The following AFAP1 variants were observed in gnomAD, a reference collection of about 807,000 sequenced individuals.
The protein encoded by AFAP1 is actin filament associated protein 1.
In AFAP1, 75 loss-of-function variants were observed where a neutral mutation model predicts 93.9. That is an observed-to-expected ratio of 0.80 (90% CI 0.66 to 0.97). The LOEUF (loss-of-function observed/expected upper bound fraction) is 0.97, where lower values mean the gene tolerates loss of function less well. Ranked by LOEUF, AFAP1 falls within the 50% of genes least tolerant of loss-of-function variation. The pLI is 0.00. For synonymous variants in AFAP1, 517 were observed against 430.7 expected, an observed-to-expected ratio of 1.20 and a Z score of -2.48; for missense variants, 1,201 against 1,050.8, an observed-to-expected ratio of 1.14 and a Z score of -1.98.
At position 7,868,656 on chromosome 4, in the gene AFAP1, T is replaced by C; in HGVS notation, c.191A>G (p.Gln64Arg). ...ETANSLPAPP[Q>R]MPLPEIPQPW... ...CTGAGGGATCTCCGGCAGGGGCATC[T>C]GAGGAGGGGCTGGCAGGCTGTTAGC... Residue 64 changes from glutamine to arginine, a missense_variant, in exon 3 of 18, where the codon CAG becomes CGG. Physicochemically the swap from Gln to Arg is conservative, Grantham distance 43. Coordinates refer to ENST00000420658, the MANE Select transcript of AFAP1 (RefSeq NM_001134647.2). 6.2e-7 allele frequency: 1 copy of C among 1,613,170 alleles called. No individual in the cohort carries two copies. The highest frequency in any genetic ancestry group is 8.5e-7 in the Non-Finnish European group (1 of 1,179,894).
chr4:7,895,213 G>A (rs937018847), intron 1 of AFAP1, among the ~76,000 whole-genome samples: 5 of 152,212 alleles, frequency 3.3e-5, no homozygotes, highest in African/African-American at 1.2e-4. Context: ...CACTTGCCAG[G>A]CATGGCCTTG....
chr4:7,814,251 A>C (rs1218574287), intron 8 of AFAP1, among the ~76,000 whole-genome samples: 1 of 152,254 alleles, frequency 6.6e-6, no homozygotes, highest in Non-Finnish European at 1.5e-5. Flanking sequence ...GATGGCACAT[A>C]AACATATTTA....
At chr4:7,862,072 T>A (rs1405753456) in intron 3 of AFAP1, 1 of 152,118 alleles carries the variant, frequency 6.6e-6, no homozygotes, top group Admixed American at 6.6e-5. Flanking sequence ...GTGGCTCACA[T>A]CTGTAGTCCC....
intron 3 of AFAP1, among the ~76,000 whole-genome samples, chr4:7,863,316 G>C (rs1715961847): frequency 6.6e-6 from 1 of 152,178 alleles, no homozygotes; most frequent in African/African-American, 2.4e-5. Flanking sequence ...CTACTTGGGA[G>C]GGTGAGGTGG....
Position 7,819,143 on chromosome 4 carries a change from C to A in AFAP1, c.755G>T (p.Ser252Ile). The change falls in exon 7 of 18, where the codon AGT (serine) becomes ATT (isoleucine). Residue 252 changes from serine (S) to isoleucine (I), a missense_variant. Coordinates refer to ENST00000420658, the MANE Select transcript of AFAP1 (RefSeq NM_001134647.2). ...KVIKEAYSGC[S>I]GPVDSECPPP... ...AGGACACTCTGAATCCACGGGGCCA[C>A]TACAACCACTGTAGGCTTCTTTGAT... 1 of 1,613,662 alleles carries A rather than the reference C, an allele frequency of 6.2e-7. No homozygotes were observed. Among genetic ancestry groups the A allele is most frequent in the Non-Finnish European group, 8.5e-7 (1 of 1,179,844 alleles).
At chr4:7,916,009 G>T (rs1479595419) in intron 1 of AFAP1, among the ~76,000 whole-genome samples, 1 of 101,570 alleles carries the variant, frequency 9.8e-6, no homozygotes, top group East Asian at 6.4e-4. Flanking sequence ...CTCATCCCCG[G>T]CCTCCTCACT....
intron 1 of AFAP1, among the ~76,000 whole-genome samples, chr4:7,889,165 C>A (rs1718297359): frequency 6.6e-6 from 1 of 152,058 alleles, no homozygotes; most frequent in African/African-American, 2.4e-5. Context: ...ATGGAGTTTA[C>A]CCTTGGAATT....
intron 1 of AFAP1, among the ~76,000 whole-genome samples, chr4:7,925,326 A>G (rs1364098094): frequency 3.3e-5 from 5 of 152,176 alleles, no homozygotes; most frequent in African/African-American, 9.6e-5. Flanking sequence ...ACTCCCCACC[A>G]ACCAGGGAAG....
chr4:7,772,738 A>C (rs1577183817), intron 16 of AFAP1, 82 bp downstream of exon 16: 2 of 1,377,806 alleles, frequency 1.5e-6, no homozygotes. Context: ...CCCCAGAGCC[A>C]CTCCACATTC....
intron 3 of AFAP1, among the ~76,000 whole-genome samples, chr4:7,858,002 A>C (rs890800681): frequency 2.0e-5 from 3 of 152,242 alleles, no homozygotes; most frequent in Non-Finnish European, 4.4e-5. Flanking sequence ...AAACCACATA[A>C]GGATGTTCAA....
At chr4:7,875,497 T>C (rs182368013) in intron 1 of AFAP1, among the ~76,000 whole-genome samples, 141 of 152,258 alleles carry the variant, frequency 9.3e-4, no homozygotes, top group Non-Finnish European at 1.8e-3. Context: ...CTCACGTCTG[T>C]AATCCCAGCA....
At chr4:7,935,509 G>A (rs1721321312) in intron 1 of AFAP1, among the ~76,000 whole-genome samples, 2 of 152,256 alleles carry the variant, frequency 1.3e-5, no homozygotes, top group South Asian at 2.1e-4. Context: ...AAAACAGCAG[G>A]TGACATGGGA....
chr4:7,768,994 C>A lies in AFAP1; in HGVS notation c.2268G>T (p.Arg756=), dbSNP rs114583866. 2.5e-6 allele frequency: 4 copies of A among 1,612,136 alleles called. No individual in the cohort carries two copies. The highest frequency in any genetic ancestry group is 3.4e-6 in the Non-Finnish European group (4 of 1,178,708). The change falls in exon 17 of 18, where the codon CGG becomes CGT. Residue 756 remains arginine (R), a synonymous_variant. Coordinates refer to ENST00000420658, the MANE Select transcript of AFAP1 (RefSeq NM_001134647.2). Reference sequence around the variant, plus strand: ...TGGGCGAGTTTTCCAGGGTCCGGTGCCGGAACACTGGAGACTTAACGGAGA... The same window carrying A: ...TGGGCGAGTTTTCCAGGGTCCGGTGACGGAACACTGGAGACTTAACGGAGA... ...GTSSPQSPVF[R]HRTLENSPIS... is the part of the protein sequence containing the mutation.
chr4:7,786,253 A>AT lies in AFAP1; in HGVS notation c.1470_1471insA (p.Tyr491IlefsTer12), dbSNP rs1188281321. The AT allele has an allele frequency of 6.2e-7, 1 of 1,614,198 alleles. No individual in the cohort carries two copies. The highest frequency in any genetic ancestry group is 8.5e-7 in the Non-Finnish European group (1 of 1,180,026). On this transcript the variant is annotated frameshift_variant, in exon 12 of 18. Transcript: ENST00000420658. LOFTEE classifies it high-confidence loss of function. ...AGTGCCGTCCCGCTGGGGTGGGCATAGCCGTTGGAGGTGCCCCCTAGATAT... is the reference window on the plus strand; with the variant it reads ...AGTGCCGTCCCGCTGGGGTGGGCATATGCCGTTGGAGGTGCCCCCTAGATAT...
intron 13 of AFAP1, chr4:7,779,319 G>A (rs74790489): frequency 6.3e-6 from 1 of 158,544 alleles, no homozygotes; most frequent in Non-Finnish European, 1.4e-5. Context: ...TTGACACTGA[G>A]TGACATCCTA....
At chr4:7,930,176 T>C (rs1308913008) in intron 1 of AFAP1, among the ~76,000 whole-genome samples, 1 of 152,146 alleles carries the variant, frequency 6.6e-6, no homozygotes, top group East Asian at 1.9e-4. Flanking sequence ...TTACAAAGAA[T>C]AGAACACGGG....
At chr4:7,829,691 C>T (rs1721722540) in intron 6 of AFAP1, among the ~76,000 whole-genome samples, 1 of 152,162 alleles carries the variant, frequency 6.6e-6, no homozygotes, top group Non-Finnish European at 1.5e-5. Flanking sequence ...ATCAGACTAG[C>T]AAAAACTCAC....
Position 7,903,307 on chromosome 4 carries a change from T to C in AFAP1, c.-2-31227A>G, listed in dbSNP as rs574772431. Among the ~76,000 whole-genome samples, 5 of 152,356 alleles carry C rather than the reference T, an allele frequency of 3.3e-5. No homozygotes were observed. In the East Asian group the frequency reaches 9.6e-4, roughly 29 times the overall value. ...AAGTATGTTAAAGAGCAATCAATGC[T>C]GTAGAAGAAAATACACCAGGAAACT... On this transcript the variant is annotated intron_variant, in intron 1 of 17. Coordinates refer to ENST00000420658, the MANE Select transcript of AFAP1 (RefSeq NM_001134647.2).
intron 4 of AFAP1, 45 bp from the exon 5 acceptor site, chr4:7,843,395 TGAA>T (rs749114075): frequency 6.5e-7 from 1 of 1,534,658 alleles, no homozygotes; most frequent in Admixed American, 1.9e-5. Flanking sequence ...TTCTTTACCT[TGAA>T]GTTTACCCGT....
Sources: allele counts gnomAD v4.1 joint callset (sites outside exome capture counted in the v4.1 genomes callset), GRCh38; gene constraint gnomAD v4.1.1; transcripts MANE v1.5; gene names NCBI Gene and HGNC (gene_info 2026-07-23, HGNC 2026-07-21).